SLC4A7: variants seen among roughly 807,000 people sequenced by gnomAD.
SLC4A7 encodes the protein solute carrier family 4 member 7, also known as sodium bicarbonate cotransporter 3.
A neutral mutation model predicts 137.6 loss-of-function variants in SLC4A7; 51 were observed. That is an observed-to-expected ratio of 0.37 (90% CI 0.30 to 0.47). SLC4A7 has a LOEUF of 0.47. Ranked by LOEUF, SLC4A7 falls within the 20% of genes least tolerant of loss-of-function variation. The probability of loss-of-function intolerance (pLI) is 1.00; values close to 1 mark genes in which losing one functional copy is unlikely to be tolerated. For missense variants in SLC4A7, 1,247 were observed against 1,525.4 expected (o/e 0.82, Z 3.04); for synonymous variants, 542 against 518.6 (o/e 1.05, Z -0.61).
chr3:27,391,059 G>A lies in SLC4A7; in HGVS notation c.3186+681C>T, dbSNP rs9860286. 3.2e-3 allele frequency among the ~76,000 whole-genome samples: 488 copies of A among 152,274 alleles called. 7 individuals are homozygous for A. The highest frequency in any genetic ancestry group is 0.011 in the African/African-American group (459 of 41,570). On this transcript the variant is annotated intron_variant, in intron 21 of 25. Transcript: ENST00000454389. ...GCTGGTCTCAAACTCCTGGCCTCAGGTGATACTCCTGCCTCAGGCTTTCAG... is the reference window on the plus strand; with the variant it reads ...GCTGGTCTCAAACTCCTGGCCTCAGATGATACTCCTGCCTCAGGCTTTCAG...
At chr3:27,429,348 T>C (rs987685174) in intron 7 of SLC4A7, among the ~76,000 whole-genome samples, 5 of 151,282 alleles carry the variant, frequency 3.3e-5, no homozygotes, top group South Asian at 2.1e-4. Context: ...AATTTTTTTT[T>C]CCCTAACTAC....
chr3:27,382,254 G>A (rs1272184496), intron 24 of SLC4A7, among the ~76,000 whole-genome samples: 1 of 151,858 alleles, frequency 6.6e-6, no homozygotes, highest in Non-Finnish European at 1.5e-5. Flanking sequence ...TGAGTAGCTG[G>A]GATTACAGGC....
intron 25 of SLC4A7, among the ~76,000 whole-genome samples, chr3:27,377,574 G>T (rs1488727541): frequency 6.6e-6 from 1 of 152,094 alleles, no homozygotes; most frequent in African/African-American, 2.4e-5. Context: ...TGTAGTTTTA[G>T]TAGAGATGGG....
At chr3:27,465,640 G>A (rs530130382) in intron 1 of SLC4A7, among the ~76,000 whole-genome samples, 4 of 152,122 alleles carry the variant, frequency 2.6e-5, no homozygotes, top group South Asian at 2.1e-4. Flanking sequence ...GGGGGAAACC[G>A]AGAAATTTTA....
rs1218170267 is a variant in SLC4A7 at position 27,389,939 on chromosome 3, G to A, written c.3352C>T (p.Pro1118Ser). The stretch of plus-strand genomic sequence containing the variant: ...GTCTGAAGAAATCTTACCATCATGG[G>A]AAAAACCACTGCAGCAGCTGAAACT... ...IKVSAAAVVF[P>S]MMVLALVFVR... Residue 1118 changes from proline to serine, a missense_variant, in exon 22 of 26, where the codon CCC (proline) becomes TCC (serine). Pro to Ser is a moderately conservative substitution (Grantham distance 74). This residue lies in a region of SLC4A7 where 290 missense variants were observed against 323.8 expected (regional missense o/e 0.90). Transcript: ENST00000454389. 2.5e-6 allele frequency: 4 copies of A among 1,612,374 alleles called. No homozygotes were observed. The highest frequency in any genetic ancestry group is 3.4e-6 in the Non-Finnish European group (4 of 1,179,078).
At chr3:27,464,270 A>T (rs571384094) in intron 1 of SLC4A7, among the ~76,000 whole-genome samples, 1 of 152,372 alleles carries the variant, frequency 6.6e-6, no homozygotes, top group East Asian at 1.9e-4. Context: ...AAAATATAGA[A>T]GGATATATAA....
intron 12 of SLC4A7, among the ~76,000 whole-genome samples, chr3:27,411,321 G>A (rs2053877271): frequency 6.6e-6 from 1 of 151,730 alleles, no homozygotes; most frequent in Non-Finnish European, 1.5e-5. Flanking sequence ...TCAATATGAA[G>A]AATTATAATA....
At position 27,436,392 on chromosome 3, in the gene SLC4A7, T is replaced by A; in HGVS notation, c.585A>T (p.Ile195=). The change falls in exon 5 of 26, where the codon ATA becomes ATT. Residue 195 remains isoleucine (I), a synonymous_variant. Transcript: ENST00000454389. ...TAAAAGTCAGTTTACTATAACCTGC[T>A]ATTTCATCTAGAGTGCTTGCTCTCA... ...LDMRASTLDE[I]ADMVLDNMIA... 1.2e-6 allele frequency: 2 copies of A among 1,607,956 alleles called. No homozygotes were observed. The highest frequency in any genetic ancestry group is 8.5e-7 in the Non-Finnish European group (1 of 1,177,144).
At chr3:27,450,436 G>A (rs1414287955) in intron 2 of SLC4A7, among the ~76,000 whole-genome samples, 2 of 152,030 alleles carry the variant, frequency 1.3e-5, no homozygotes, top group African/African-American at 4.8e-5. Flanking sequence ...TATGTTATGT[G>A]AATCTCATTT....
At chr3:27,377,776 C>T (rs1331155147) in intron 25 of SLC4A7, among the ~76,000 whole-genome samples, 2 of 152,292 alleles carry the variant, frequency 1.3e-5, no homozygotes, top group South Asian at 2.1e-4. Context: ...ATATGAATAT[C>T]TGGGTTCTGG....
At chr3:27,459,615 G>T (rs1201251092) in intron 1 of SLC4A7, among the ~76,000 whole-genome samples, 1 of 151,960 alleles carries the variant, frequency 6.6e-6, no homozygotes, top group African/African-American at 2.4e-5. Flanking sequence ...TTACAAAAAA[G>T]ATAGCATTCA....
At chr3:27,411,570 G>A (rs2053902815) in intron 12 of SLC4A7, 72 bp downstream of exon 12, 1 of 801,506 alleles carries the variant, frequency 1.2e-6, no homozygotes, top group African/African-American at 1.8e-5. Context: ...CAAACACTTG[G>A]AAAAAATATA....
At chr3:27,456,122 A>G (rs901625724) in intron 1 of SLC4A7, among the ~76,000 whole-genome samples, 1 of 152,208 alleles carries the variant, frequency 6.6e-6, no homozygotes, top group Admixed American at 6.5e-5. Flanking sequence ...AAAGTATTAG[A>G]AAAAAAGGAT....
At chr3:27,456,857 G>A (rs2058441889) in intron 1 of SLC4A7, 2 of 1,380,560 alleles carry the variant, frequency 1.4e-6, no homozygotes, top group Non-Finnish European at 1.9e-6. Flanking sequence ...AATCTTCCAA[G>A]CTAATAACTA....
chr3:27,419,386 T>C (rs531877588), intron 10 of SLC4A7, among the ~76,000 whole-genome samples: 90 of 150,514 alleles, frequency 6.0e-4, no homozygotes, highest in Non-Finnish European at 9.8e-4. Context: ...CTTGCCAACA[T>C]GGTGACACCC....
intron 1 of SLC4A7, among the ~76,000 whole-genome samples, chr3:27,473,621 T>C (rs964935279): frequency 6.7e-6 from 1 of 148,186 alleles, no homozygotes; most frequent in Non-Finnish European, 1.5e-5. Flanking sequence ...GGTGGGAGGA[T>C]TGTTTGAGCC....
At chr3:27,445,543 G>T (rs2057522371) in intron 3 of SLC4A7, among the ~76,000 whole-genome samples, 1 of 151,878 alleles carries the variant, frequency 6.6e-6, no homozygotes, top group Non-Finnish European at 1.5e-5. Context: ...ACTTTAAATG[G>T]GATGGCAGTT....
At chr3:27,381,468 T>C (rs1207861769) in intron 24 of SLC4A7, among the ~76,000 whole-genome samples, 5 of 152,186 alleles carry the variant, frequency 3.3e-5, no homozygotes, top group Non-Finnish European at 7.3e-5. Context: ...GCTGGATATA[T>C]TAAATATCCA....
chr3:27,393,467 A>G (rs2051802461), intron 20 of SLC4A7, among the ~76,000 whole-genome samples: 1 of 152,216 alleles, frequency 6.6e-6, no homozygotes, highest in Admixed American at 6.5e-5. Flanking sequence ...TACCATGTGT[A>G]AAAAGAATTT....
Sources: gnomAD v4.1 joint callset for allele counts (sites outside exome capture counted in the v4.1 genomes callset) on GRCh38, gnomAD v4.1.1 for gene constraint, gnomAD v4.1.1 regional missense constraint, MANE v1.5 for transcripts, NCBI Gene and HGNC (gene_info 2026-07-23, HGNC 2026-07-21) for gene names.